Variants in ERGIC1 observed in about 807,000 individuals in gnomAD.
ERGIC1 encodes endoplasmic reticulum-golgi intermediate compartment 1.
Under a neutral mutation model 38.3 loss-of-function variants are expected in ERGIC1, and 19 were observed. The ratio of observed to expected loss-of-function variants is 0.50; its 90% CI spans 0.35 to 0.73. The LOEUF (loss-of-function observed/expected upper bound fraction) is 0.73, where lower values mean the gene tolerates loss of function less well. Ranked by LOEUF, ERGIC1 falls within the 30% of genes least tolerant of loss-of-function variation. ERGIC1 has a pLI of 0.01. For missense variants in ERGIC1, 294 were observed against 389.2 expected, an observed-to-expected ratio of 0.76 and a Z score of 2.06; for synonymous variants, 124 against 157.6, an observed-to-expected ratio of 0.79 and a Z score of 1.60.
intron 1 of ERGIC1, among the ~76,000 whole-genome samples, chr5:172,848,529 A>G (rs768906270): frequency 6.6e-6 from 1 of 152,146 alleles, no homozygotes; most frequent in Non-Finnish European, 1.5e-5. Context: ...GGTCCTTCAG[A>G]TCCCTTGGCA....
chr5:172,868,124 C>T (rs793024), intron 1 of ERGIC1, among the ~76,000 whole-genome samples: 140,757 of 152,338 alleles, frequency 0.92, 65,794 homozygotes, highest in East Asian at 1. Flanking sequence ...ATCCACCATG[C>T]GCTTGCTACG....
chr5:172,887,965 G>A (rs766270118), intron 1 of ERGIC1, among the ~76,000 whole-genome samples: 26 of 152,182 alleles, frequency 1.7e-4, no homozygotes, highest in African/African-American at 4.3e-4. Context: ...ATGCAGCATC[G>A]TCACATAACT....
intron 3 of ERGIC1, 40 bp from the exon 4 acceptor site, chr5:172,909,627 G>A (rs1257486882): frequency 1.3e-5 from 20 of 1,578,914 alleles, no homozygotes; most frequent in East Asian, 6.7e-5. Flanking sequence ...GATCTTTGCC[G>A]CCATCTCAAC....
chr5:172,856,698 G>A (rs1308838450), intron 1 of ERGIC1, among the ~76,000 whole-genome samples: 1 of 152,178 alleles, frequency 6.6e-6, no homozygotes, highest in Non-Finnish European at 1.5e-5. Context: ...AAAGTCTTTT[G>A]GTATGGGTTA....
At chr5:172,898,997 T>C (rs1159005458) in intron 3 of ERGIC1, among the ~76,000 whole-genome samples, 1 of 152,136 alleles carries the variant, frequency 6.6e-6, no homozygotes, top group Non-Finnish European at 1.5e-5. Flanking sequence ...CCCACTGGCC[T>C]CTGCAGGCTG....
intron 1 of ERGIC1, among the ~76,000 whole-genome samples, chr5:172,842,646 G>A (rs922233719): frequency 1.3e-5 from 2 of 152,156 alleles, no homozygotes; most frequent in Admixed American, 6.5e-5. Context: ...CGGTGTACAA[G>A]CATTCCCTCT....
At chr5:172,875,578 C>A (rs1270116579) in intron 1 of ERGIC1, among the ~76,000 whole-genome samples, 1 of 152,092 alleles carries the variant, frequency 6.6e-6, no homozygotes, top group South Asian at 2.1e-4. Flanking sequence ...GAATCAGAAT[C>A]CAACAAGGTC....
intron 6 of ERGIC1, among the ~76,000 whole-genome samples, chr5:172,925,894 A>G (rs1283347797): frequency 1.3e-5 from 2 of 152,046 alleles, no homozygotes; most frequent in Non-Finnish European, 2.9e-5. Context: ...AAAAGGTGAG[A>G]TGTGGTTTTC....
chr5:172,938,310 C>T (rs1340819541), intron 9 of ERGIC1, among the ~76,000 whole-genome samples: 2 of 152,202 alleles, frequency 1.3e-5, no homozygotes, highest in Non-Finnish European at 2.9e-5. Flanking sequence ...AGGTCTAGAC[C>T]ACTCCTCAGA....
intron 9 of ERGIC1, among the ~76,000 whole-genome samples, chr5:172,950,415 G>T (rs77674043): frequency 6.6e-6 from 1 of 152,302 alleles, no homozygotes; most frequent in South Asian, 2.1e-4. Context: ...AGTTTCCTCC[G>T]CTGTGAAATG....
At chr5:172,904,929 G>C (rs916276094) in intron 3 of ERGIC1, among the ~76,000 whole-genome samples, 4 of 152,194 alleles carry the variant, frequency 2.6e-5, no homozygotes, top group Non-Finnish European at 4.4e-5. Context: ...GCCTCAGGCC[G>C]TCCCTGCCCA....
At chr5:172,901,754 T>A (rs534370567) in intron 3 of ERGIC1, among the ~76,000 whole-genome samples, 1 of 152,236 alleles carries the variant, frequency 6.6e-6, no homozygotes, top group Admixed American at 6.5e-5. Flanking sequence ...TGAGCCACCA[T>A]GCCTGGCTAA....
At position 172,950,896 on chromosome 5, in the gene ERGIC1, T is replaced by A; in HGVS notation, c.*80T>A. 7.8e-7 allele frequency: 1 copy of A among 1,282,514 alleles called. No homozygotes were observed. Among genetic ancestry groups the A allele is most frequent in the Non-Finnish European group, 1.1e-6 (1 of 927,314 alleles). The allele number at this position is 1,282,514 out of a possible 1,614,324, so 79.4% of individuals were successfully genotyped here. On this transcript the variant is annotated 3_prime_UTR_variant, in exon 10 of 10. Coordinates refer to ENST00000393784, the MANE Select transcript of ERGIC1 (RefSeq NM_001031711.3). Reference sequence around the variant, plus strand: ...GTGCCCTGTCTCCTTTGGCCCTCAATCTGGTCCCAAATCTGGCTGTGTCCC... The same window carrying A: ...GTGCCCTGTCTCCTTTGGCCCTCAAACTGGTCCCAAATCTGGCTGTGTCCC...
intron 1 of ERGIC1, among the ~76,000 whole-genome samples, chr5:172,866,023 A>G (rs1221639481): frequency 6.6e-6 from 1 of 152,222 alleles, no homozygotes; most frequent in African/African-American, 2.4e-5. Context: ...CTTCCCATGC[A>G]AGTTGGTAAA....
rs995775052 is a variant in ERGIC1, at chr5:172,923,693, G to A, written c.376-312G>A. 2.6e-5 allele frequency among the ~76,000 whole-genome samples: 4 copies of A among 152,334 alleles called. No homozygotes were observed. In the South Asian group the frequency reaches 8.3e-4, roughly 32 times the overall value. On this transcript the variant is annotated intron_variant, in intron 5 of 9. Transcript: ENST00000393784. The stretch of plus-strand genomic sequence containing the variant: ...TCAGCCGCCCAGAATCCACAGAGCT[G>A]GAGGGGGAGCAGCTGCCATGAGTCC...
At chr5:172,922,128 GC>G (rs1763534902) in intron 5 of ERGIC1, 1 of 152,288 alleles carries the variant, frequency 6.6e-6, no homozygotes, top group South Asian at 2.1e-4. Context: ...GTGGCCATCA[GC>G]CCAGGCTGCG....
intron 3 of ERGIC1, among the ~76,000 whole-genome samples, chr5:172,907,033 C>A (rs1014920678): frequency 2.6e-5 from 4 of 152,212 alleles, no homozygotes; most frequent in Non-Finnish European, 5.9e-5. Flanking sequence ...TGCATTCCCC[C>A]CTCACCTCAC....
chr5:172,846,491 C>T lies in ERGIC1; in HGVS notation c.20+12058C>T, dbSNP rs1761284572. ...ATGATCTCATTTCACCATCATTACA[C>T]ACCTGCATGGTAGGAGGAACTGTCT... is the stretch of plus-strand genomic sequence containing the variant. On this transcript the variant is annotated intron_variant, in intron 1 of 9. Coordinates refer to ENST00000393784, the MANE Select transcript of ERGIC1 (RefSeq NM_001031711.3). This position sits in a 1 kb window ranked among gnomAD's most constrained non-coding sequence, Gnocchi z 4.0. Among the ~76,000 whole-genome samples, 1 of 152,164 alleles carries T rather than the reference C, an allele frequency of 6.6e-6. No individual in the cohort carries two copies. Among genetic ancestry groups the T allele is most frequent in the African/African-American group, 2.4e-5 (1 of 41,416 alleles).
At chr5:172,842,829 A>G (rs559809034) in intron 1 of ERGIC1, among the ~76,000 whole-genome samples, 2 of 152,306 alleles carry the variant, frequency 1.3e-5, no homozygotes, top group Admixed American at 6.5e-5. Context: ...ATCCATTCAC[A>G]TTTTTTGTGC....
Sources: gnomAD v4.1 joint callset for allele counts (sites outside exome capture counted in the v4.1 genomes callset) on GRCh38, gnomAD v4.1.1 for gene constraint, Gnocchi (gnomAD v3.1) non-coding constraint, MANE v1.5 for transcripts, NCBI Gene and HGNC (gene_info 2026-07-23, HGNC 2026-07-21) for gene names.